Variants in FRY observed in about 807,000 individuals in gnomAD.
FRY encodes the protein FRY microtubule binding protein.
Under a neutral mutation model 348.4 loss-of-function variants are expected in FRY, and 128 were observed. That is an observed-to-expected ratio of 0.37 (90% CI 0.32 to 0.43). The LOEUF (loss-of-function observed/expected upper bound fraction) is 0.43. FRY is among the 20% of genes least tolerant of loss of function. FRY has a pLI of 1.00. For missense variants in FRY, 2,736 were observed against 3,695.2 expected, an observed-to-expected ratio of 0.74 and a Z score of 6.73; for synonymous variants, 1,370 against 1,374.7, an observed-to-expected ratio of 1.00 and a Z score of 0.08.
At chr13:32,171,733 A>T (rs1457957935) in intron 18 of FRY, among the ~76,000 whole-genome samples, 1 of 152,244 alleles carries the variant, frequency 6.6e-6, no homozygotes, top group Non-Finnish European at 1.5e-5. Context: ...CCACTGGCAT[A>T]AATTGTGACC....
intron 29 of FRY, 35 bp downstream of exon 29, chr13:32,194,332 T>C: frequency 6.3e-7 from 1 of 1,593,174 alleles, no homozygotes; most frequent in Non-Finnish European, 8.6e-7. Context: ...GAGTGGCAAG[T>C]ATGTTTAGGG....
intron 24 of FRY, 25 bp from the exon 25 acceptor site, chr13:32,184,575 A>C (rs1566117372): frequency 6.9e-7 from 1 of 1,440,258 alleles, no homozygotes; most frequent in Admixed American, 1.7e-5. Context: ...TGTGTCTGTA[A>C]GTGATACTAC....
At chr13:32,167,076 A>G (rs1881783376) in intron 17 of FRY, among the ~76,000 whole-genome samples, 1 of 152,200 alleles carries the variant, frequency 6.6e-6, no homozygotes, top group South Asian at 2.1e-4. Context: ...GCGTGAGAGC[A>G]AAGTTAGATG....
Position 32,039,501 on chromosome 13 carries a change from C to G in FRY, c.70+7636C>G, listed in dbSNP as rs946066928. Reference sequence around the variant, plus strand: ...TCTGTCTCTCTCCCACCTCCCCCCCCATACGTGTGTGAGAGAGAAAATAAA... The same window carrying G: ...TCTGTCTCTCTCCCACCTCCCCCCCGATACGTGTGTGAGAGAGAAAATAAA... On this transcript the variant is annotated intron_variant, in intron 1 of 60. Coordinates refer to ENST00000542859, the MANE Select transcript of FRY (RefSeq NM_023037.3). Among the ~76,000 whole-genome samples, 4 of 148,624 alleles carry G rather than the reference C, an allele frequency of 2.7e-5. No individual in the cohort carries two copies. In the East Asian group the frequency reaches 5.8e-4, roughly 22 times the overall value.
Position 32,249,788 on chromosome 13 carries a change from C to T in FRY, c.7170+101C>T, listed in dbSNP as rs1593800491. Reference sequence around the variant, plus strand: ...ATTCCCTCTCACCATCCCAAGGTTGCCCATATAGGTCTCAGCACTTCCAGG... The same window carrying T: ...ATTCCCTCTCACCATCCCAAGGTTGTCCATATAGGTCTCAGCACTTCCAGG... On this transcript the variant is annotated intron_variant, in intron 49 of 60. Transcript: ENST00000542859. The T allele has an allele frequency of 9.5e-6, 10 of 1,053,558 alleles. No homozygotes were observed. The East Asian group carries it at 2.6e-4, about 27-fold the overall frequency. 65.3% of individuals were successfully genotyped at this position (1,053,558 alleles called of 1,614,324 possible).
At chr13:32,064,989 C>T (rs1050457384) in intron 1 of FRY, among the ~76,000 whole-genome samples, 3 of 152,168 alleles carry the variant, frequency 2.0e-5, no homozygotes. Context: ...GGCCAACATT[C>T]AGTTATGCAG....
chr13:32,223,591 C>T (rs1346329175), intron 36 of FRY, among the ~76,000 whole-genome samples: 4 of 152,110 alleles, frequency 2.6e-5, no homozygotes, highest in Non-Finnish European at 5.9e-5. Context: ...GCATGAACAA[C>T]ATGTTGAGAC....
intron 53 of FRY, among the ~76,000 whole-genome samples, chr13:32,262,774 T>C (rs968587565): frequency 1.3e-5 from 2 of 152,234 alleles, no homozygotes; most frequent in East Asian, 3.8e-4. Context: ...GGTGTATGTC[T>C]GAGATGGCTG....
chr13:32,242,620 C>T (rs1024141263), intron 46 of FRY, among the ~76,000 whole-genome samples: 2 of 152,204 alleles, frequency 1.3e-5, no homozygotes, highest in Admixed American at 6.5e-5. Context: ...CTGCAACTTC[C>T]ACTTCCTGGG....
At chr13:32,242,531 T>C (rs1886570805) in intron 46 of FRY, among the ~76,000 whole-genome samples, 2 of 152,106 alleles carry the variant, frequency 1.3e-5, no homozygotes, top group African/African-American at 4.8e-5. Flanking sequence ...TCATGTTTTT[T>C]GTTTTGTTTT....
In FRY at chr13:32,059,173, C is replaced by CT. The variant is rs972857991; in HGVS notation, c.71-19651dup. ...ATAAAAAGTAGGAAAGAAGAGGATA[C>CT]TTTTTTTTTTCATATTCCTACAAGG... On this transcript the variant is annotated intron_variant, in intron 1 of 60. Coordinates refer to ENST00000542859, the MANE Select transcript of FRY (RefSeq NM_023037.3). Among the ~76,000 whole-genome samples, 678 of 149,282 alleles carry CT rather than the reference C, an allele frequency of 4.5e-3. 8 individuals carry two copies. The highest frequency in any genetic ancestry group is 0.015 in the African/African-American group (620 of 40,708).
intron 2 of FRY, among the ~76,000 whole-genome samples, chr13:32,092,026 A>G (rs550090177): frequency 2.0e-5 from 3 of 152,348 alleles, no homozygotes; most frequent in South Asian, 2.1e-4. Flanking sequence ...ATTAACTCCA[A>G]TAGCATTGCT....
chr13:32,162,372 C>A (rs933938685), intron 17 of FRY, among the ~76,000 whole-genome samples: 2 of 152,082 alleles, frequency 1.3e-5, no homozygotes, highest in African/African-American at 4.8e-5. Flanking sequence ...AATAAATAAC[C>A]CAAACTTCCA....
At chr13:32,092,385 A>C (rs1426180477) in intron 2 of FRY, among the ~76,000 whole-genome samples, 2 of 152,222 alleles carry the variant, frequency 1.3e-5, no homozygotes, top group Non-Finnish European at 2.9e-5. Context: ...CTTTCCTCCT[A>C]AAGATTACAG....
At chr13:32,075,962 T>C (rs1875023573) in intron 1 of FRY, among the ~76,000 whole-genome samples, 1 of 152,236 alleles carries the variant, frequency 6.6e-6, no homozygotes, top group Non-Finnish European at 1.5e-5. Flanking sequence ...TTTTATCTTT[T>C]TCAATATCAC....
chr13:32,145,769 C>A (rs1374475475), intron 11 of FRY, among the ~76,000 whole-genome samples: 1 of 151,688 alleles, frequency 6.6e-6, no homozygotes, highest in African/African-American at 2.4e-5. Context: ...TGGTCTCGAT[C>A]TCCTGACCTC....
At chr13:32,088,462 T>C (rs1045032575) in intron 2 of FRY, among the ~76,000 whole-genome samples, 2 of 152,180 alleles carry the variant, frequency 1.3e-5, no homozygotes, top group Non-Finnish European at 2.9e-5. Context: ...CACCAAAAAC[T>C]TGAAAATTCA....
chr13:32,245,268 A>C (rs1278943227), intron 47 of FRY, among the ~76,000 whole-genome samples: 5 of 152,054 alleles, frequency 3.3e-5, no homozygotes, highest in Admixed American at 2.0e-4. Flanking sequence ...TTAAAGCCGT[A>C]CTCTGAGAAG....
chr13:32,233,276 T>C (rs1886019543), intron 41 of FRY, among the ~76,000 whole-genome samples: 1 of 152,192 alleles, frequency 6.6e-6, no homozygotes. Context: ...TGGCCCACTT[T>C]CATGTAGCAG....
Sources: gnomAD v4.1 joint callset for allele counts (sites outside exome capture counted in the v4.1 genomes callset) on GRCh38, gnomAD v4.1.1 for gene constraint, MANE v1.5 for transcripts, NCBI Gene and HGNC (gene_info 2026-07-23, HGNC 2026-07-21) for gene names.